Variants in ASIC2 observed in about 807,000 individuals in gnomAD.
ASIC2 encodes the protein acid-sensing ion channel 2.
Under a neutral mutation model 57.3 loss-of-function variants are expected in ASIC2, and 25 were observed. That is an observed-to-expected ratio of 0.44 (90% CI 0.32 to 0.61). ASIC2 has a LOEUF of 0.61. Ranked by LOEUF, ASIC2 falls within the 20% of genes least tolerant of loss-of-function variation. ASIC2 has a pLI of 0.06. For synonymous variants in ASIC2, 319 were observed against 307.5 expected (o/e 1.04, Z -0.39); for missense variants, 641 against 738.1 (o/e 0.87, Z 1.52).
chr17:33,702,782 A>T (rs951887484), intron 1 of ASIC2, among the ~76,000 whole-genome samples: 4 of 152,212 alleles, frequency 2.6e-5, no homozygotes, highest in Non-Finnish European at 5.9e-5. Flanking sequence ...TATAAGTGTC[A>T]TATGTTGCCT....
intron 1 of ASIC2, among the ~76,000 whole-genome samples, chr17:33,370,320 C>A (rs1054158685): frequency 1.4e-4 from 22 of 152,358 alleles, no homozygotes; most frequent in African/African-American, 5.3e-4. Flanking sequence ...CCAACCCCAA[C>A]AAATGGGCAA....
intron 1 of ASIC2, among the ~76,000 whole-genome samples, chr17:33,643,821 C>T (rs1346385612): frequency 1.3e-5 from 2 of 152,064 alleles, no homozygotes; most frequent in African/African-American, 4.8e-5. Flanking sequence ...GTAGTAGGCA[C>T]TCAATAAATG....
At chr17:34,036,208 T>A (rs1327895373) in intron 1 of ASIC2, among the ~76,000 whole-genome samples, 1 of 152,014 alleles carries the variant, frequency 6.6e-6, no homozygotes, top group Non-Finnish European at 1.5e-5. Flanking sequence ...AATGATGAGT[T>A]CATGTCCTTT....
At chr17:33,724,830 A>G (rs1909494985) in intron 1 of ASIC2, among the ~76,000 whole-genome samples, 1 of 142,254 alleles carries the variant, frequency 7.0e-6, no homozygotes, top group South Asian at 2.2e-4. Context: ...TCAACCCCCA[A>G]CACATACACA....
chr17:33,017,272 C>G (rs1364679332), intron 8 of ASIC2, among the ~76,000 whole-genome samples: 1 of 152,214 alleles, frequency 6.6e-6, no homozygotes, highest in East Asian at 1.9e-4. Context: ...TCCAGCCCAG[C>G]TGCAGGAGGG....
At chr17:34,056,442 A>T (rs76258096) in intron 1 of ASIC2, among the ~76,000 whole-genome samples, 2,105 of 152,302 alleles carry the variant, frequency 0.014, 38 homozygotes, top group South Asian at 0.053. Context: ...TACCTGTGAC[A>T]CTGTGCAAAG....
chr17:33,988,967 C>G (rs1336052862), intron 1 of ASIC2, among the ~76,000 whole-genome samples: 1 of 152,044 alleles, frequency 6.6e-6, no homozygotes. Context: ...CTGGCTTCTT[C>G]CACTTCTATG....
At chr17:33,663,449 G>A (rs74371021) in intron 1 of ASIC2, among the ~76,000 whole-genome samples, 1,722 of 147,610 alleles carry the variant, frequency 0.012, 44 homozygotes, top group African/African-American at 0.04. Flanking sequence ...TAATGCCGTC[G>A]TTTTTTTTTT....
At chr17:33,510,584 A>T (rs575314999) in intron 1 of ASIC2, among the ~76,000 whole-genome samples, 53 of 152,232 alleles carry the variant, frequency 3.5e-4, no homozygotes, top group Admixed American at 2.5e-3. Context: ...GTGAGTTGTG[A>T]TGGTGCCACT....
chr17:33,933,620 T>G (rs375146390), intron 1 of ASIC2, among the ~76,000 whole-genome samples: 1 of 152,258 alleles, frequency 6.6e-6, no homozygotes, highest in East Asian at 1.9e-4. Context: ...ACTGGGAATG[T>G]GCCCTAATCC....
intron 1 of ASIC2, among the ~76,000 whole-genome samples, chr17:33,583,701 A>T (rs1462354977): frequency 6.6e-6 from 1 of 152,218 alleles, no homozygotes; most frequent in Non-Finnish European, 1.5e-5. Context: ...GCATGTCAGA[A>T]CATGCCCAGA....
chr17:33,713,918 C>CTTAAAGTCAATTATTTT (rs1292594953), intron 1 of ASIC2, among the ~76,000 whole-genome samples: 1 of 152,136 alleles, frequency 6.6e-6, no homozygotes, highest in East Asian at 1.9e-4. Flanking sequence ...TCTTTTTGAT[C>CTTAAAGTCAATTATTTT]TTAAAGTCAA....
intron 1 of ASIC2, among the ~76,000 whole-genome samples, chr17:33,914,020 G>T (rs115503693): frequency 6.6e-6 from 1 of 152,160 alleles, no homozygotes. Context: ...AAACTTTATC[G>T]CAGGGCGAGA....
chr17:33,102,908 C>T (rs889866712), intron 2 of ASIC2, among the ~76,000 whole-genome samples: 13 of 152,230 alleles, frequency 8.5e-5, no homozygotes, highest in East Asian at 3.9e-4. Flanking sequence ...CTCAGCCTCC[C>T]GAGTAGCTGG....
intron 1 of ASIC2, among the ~76,000 whole-genome samples, chr17:33,117,730 C>A (rs2092286732): frequency 6.6e-6 from 1 of 152,182 alleles, no homozygotes; most frequent in Admixed American, 6.5e-5. Context: ...GCAAGGTAAT[C>A]ATGCCATGTA....
At chr17:33,085,536 C>A (rs1041141317) in intron 3 of ASIC2, among the ~76,000 whole-genome samples, 1 of 152,198 alleles carries the variant, frequency 6.6e-6, no homozygotes, top group African/African-American at 2.4e-5. Flanking sequence ...ATTATTTTTG[C>A]CTTTGTTAAA....
At chr17:33,952,309 T>G (rs1158487778) in intron 1 of ASIC2, among the ~76,000 whole-genome samples, 1 of 152,134 alleles carries the variant, frequency 6.6e-6, no homozygotes, top group Non-Finnish European at 1.5e-5. Context: ...CTTCCCTCCA[T>G]CTGGATAATG....
Position 33,173,075 on chromosome 17 carries a change from G to C in ASIC2, c.709-61008C>G, listed in dbSNP as rs1004647020. Among the ~76,000 whole-genome samples the C allele has an allele frequency of 5.8e-4, 88 of 152,178 alleles. 1 individual carries two copies. The highest frequency in any genetic ancestry group is 2.1e-3 in the African/African-American group (86 of 41,440). On this transcript the variant is annotated intron_variant, in intron 1 of 9. Coordinates refer to ENST00000225823, the MANE Select transcript of ASIC2 (RefSeq NM_183377.2). Reference sequence around the variant, plus strand: ...CCCCATGGAGATACTCTGAGACTCAGCATGGAAGATGTCTGGCATACAGTA... The same window carrying C: ...CCCCATGGAGATACTCTGAGACTCACCATGGAAGATGTCTGGCATACAGTA...
rs749897116 is a variant in ASIC2, at chr17:33,291,571, C to A, written c.545G>T (p.Arg182Leu). The part of the protein sequence containing the change: ...SELLRGDEPR[R>L]QWFRKLADFR... ...GTCCGCCAGCTTGCGGAACCACTGG[C>A]GGCGCGGCTCGTCGCCCCGCAGCAG... The change falls in exon 1 of 10, where the codon CGC becomes CTC. Residue 182 changes from arginine to leucine, a missense_variant. Arg to Leu is a moderately radical substitution (Grantham distance 102). This residue lies in a region of ASIC2 where 382 missense variants were observed against 398.0 expected (regional missense o/e 0.96). Transcript: ENST00000225823. The A allele has an allele frequency of 6.2e-7, 1 of 1,610,110 alleles. No individual in the cohort carries two copies. The highest frequency in any genetic ancestry group is 1.1e-5 in the South Asian group (1 of 90,988).
Sources: allele counts gnomAD v4.1 joint callset (sites outside exome capture counted in the v4.1 genomes callset), GRCh38; gene constraint gnomAD v4.1.1; regional missense constraint gnomAD v4.1.1; transcripts MANE v1.5; gene names NCBI Gene and HGNC (gene_info 2026-07-23, HGNC 2026-07-21).